The following GLIS3 variants were observed in gnomAD, a reference collection of about 807,000 sequenced individuals.
GLIS3 encodes GLIS family zinc finger 3, also known as zinc finger protein GLIS3.
A neutral mutation model predicts 78.6 loss-of-function variants in GLIS3; 53 were observed. The ratio of observed to expected loss-of-function variants is 0.67; its 90% confidence interval spans 0.54 to 0.85. The LOEUF (loss-of-function observed/expected upper bound fraction) is 0.85. Among genes scored for constraint, GLIS3 ranks in the 40% least tolerant of loss-of-function variants. The pLI, the probability that GLIS3 is intolerant of heterozygous loss-of-function variation, is 0.00. For missense variants in GLIS3, 1,703 were observed against 1,231.1 expected (o/e 1.38, Z -5.74); for synonymous variants, 684 against 509.9 (o/e 1.34, Z -4.60).
At chr9:3,938,499 A>C (rs568803097) in intron 4 of GLIS3, among the ~76,000 whole-genome samples, 8 of 152,290 alleles carry the variant, frequency 5.3e-5, no homozygotes, top group Admixed American at 2.6e-4. Context: ...TGGTTATTGG[A>C]ATTTTCATCT....
At chr9:4,269,331 T>C (rs190862850) in intron 2 of GLIS3, among the ~76,000 whole-genome samples, 1 of 152,124 alleles carries the variant, frequency 6.6e-6, no homozygotes, top group African/African-American at 2.4e-5. Context: ...ACAAGACCTG[T>C]CCCACCAGTC....
the GLIS3 span, among the ~76,000 whole-genome samples, chr9:4,483,329 G>T: frequency 6.6e-6 from 1 of 152,156 alleles, no homozygotes; most frequent in Admixed American, 6.5e-5. Flanking sequence ...AGTGTCTGCT[G>T]GACACAGGTG....
the GLIS3 span, among the ~76,000 whole-genome samples, chr9:4,383,458 A>G: frequency 0.85 from 129,489 of 152,182 alleles, 55,450 homozygotes; most frequent in Non-Finnish European, 0.9. Flanking sequence ...ATTATGTATC[A>G]AAGATAACAT....
chr9:4,348,925 T>G (rs539705184), upstream of GLIS3, among the ~76,000 whole-genome samples: 5 of 152,250 alleles, frequency 3.3e-5, no homozygotes, highest in Non-Finnish European at 7.3e-5. Flanking sequence ...TTCTTCTTTA[T>G]AGTTTTTCAT....
At chr9:3,918,791 A>G (rs542399876) in intron 6 of GLIS3, among the ~76,000 whole-genome samples, 1 of 152,324 alleles carries the variant, frequency 6.6e-6, no homozygotes, top group East Asian at 1.9e-4. Context: ...TCTTGTCTAT[A>G]TAATCAATTT....
At chr9:4,159,260 T>C (rs1052456422) in intron 2 of GLIS3, among the ~76,000 whole-genome samples, 2 of 152,176 alleles carry the variant, frequency 1.3e-5, no homozygotes, top group African/African-American at 4.8e-5. Flanking sequence ...TCCAGGGTCA[T>C]ATGTGAAACA....
At chr9:4,050,564 T>G (rs745837681) in intron 4 of GLIS3, among the ~76,000 whole-genome samples, 1 of 152,136 alleles carries the variant, frequency 6.6e-6, no homozygotes, top group Non-Finnish European at 1.5e-5. Flanking sequence ...ACCTGCAGCT[T>G]GTGCACATGT....
intron 2 of GLIS3, among the ~76,000 whole-genome samples, chr9:4,279,423 CAAAG>C (rs1443561639): frequency 5.9e-5 from 8 of 135,440 alleles, no homozygotes; most frequent in Non-Finnish European, 4.7e-5. Flanking sequence ...TAATGAAACA[CAAAG>C]AAAGGTAGAG....
intron 2 of GLIS3, among the ~76,000 whole-genome samples, chr9:4,180,822 C>T (rs1373994869): frequency 1.3e-5 from 2 of 152,096 alleles, no homozygotes; most frequent in Non-Finnish European, 2.9e-5. Flanking sequence ...GGCAAAATAC[C>T]AGTCAATAAA....
At chr9:4,488,010 A>G in the GLIS3 span, among the ~76,000 whole-genome samples, 2 of 152,172 alleles carry the variant, frequency 1.3e-5, no homozygotes, top group Non-Finnish European at 2.9e-5. Flanking sequence ...GACACTTTGG[A>G]AATATAAAAG....
chr9:4,156,197 T>C (rs958268315), intron 2 of GLIS3, among the ~76,000 whole-genome samples: 3 of 152,176 alleles, frequency 2.0e-5, no homozygotes, highest in East Asian at 1.9e-4. Context: ...TTCTCTCACA[T>C]GACAAAACAA....
intron 4 of GLIS3, among the ~76,000 whole-genome samples, chr9:4,090,374 A>G (rs1829395108): frequency 6.6e-6 from 1 of 152,162 alleles, no homozygotes; most frequent in Non-Finnish European, 1.5e-5. Context: ...CACGCTCAAT[A>G]AAAACAAAAT....
At chr9:4,248,895 G>A (rs748165619) in intron 2 of GLIS3, among the ~76,000 whole-genome samples, 4 of 152,160 alleles carry the variant, frequency 2.6e-5, no homozygotes, top group Non-Finnish European at 5.9e-5. Context: ...CTTTTGAGAA[G>A]TGTCTGTTCG....
intron 2 of GLIS3, among the ~76,000 whole-genome samples, chr9:4,325,771 T>C (rs17803032): frequency 0.14 from 21,601 of 151,988 alleles, 1,566 homozygotes; most frequent in East Asian, 0.22. Flanking sequence ...GCTTGAGAAA[T>C]AAAGGATAAA....
At chr9:4,035,202 C>G (rs1349149248) in intron 4 of GLIS3, among the ~76,000 whole-genome samples, 1 of 152,118 alleles carries the variant, frequency 6.6e-6, no homozygotes, top group African/African-American at 2.4e-5. Context: ...TTCACTATAA[C>G]CTTTTATGGC....
chr9:3,836,527 T>G (rs1818362727), intron 9 of GLIS3, among the ~76,000 whole-genome samples: 1 of 152,228 alleles, frequency 6.6e-6, no homozygotes, highest in Middle Eastern at 3.2e-3. Context: ...TTCAGATTTC[T>G]TCTTTTCCAG....
At chr9:4,430,881 A>C in the GLIS3 span, among the ~76,000 whole-genome samples, 1 of 149,140 alleles carries the variant, frequency 6.7e-6, no homozygotes. Context: ...TTTCCCCAGC[A>C]TTTCTCATTA....
chr9:4,345,521 T>G (rs1269544532), intron 2 of GLIS3, among the ~76,000 whole-genome samples: 3 of 152,182 alleles, frequency 2.0e-5, no homozygotes. Context: ...GTATCATAAT[T>G]TAGAATACTT....
At chr9:4,020,806 G>C (rs191445295) in intron 4 of GLIS3, among the ~76,000 whole-genome samples, 1 of 152,188 alleles carries the variant, frequency 6.6e-6, no homozygotes. Flanking sequence ...CACACATGGA[G>C]GACTGTGTTT....
Sources: gnomAD v4.1 joint callset for allele counts (sites outside exome capture counted in the v4.1 genomes callset) on GRCh38, gnomAD v4.1.1 for gene constraint, MANE v1.5 for transcripts, NCBI Gene and HGNC (gene_info 2026-07-23, HGNC 2026-07-21) for gene names.